Variants in OTOGL observed in about 807,000 individuals in gnomAD.
OTOGL encodes the protein otogelin-like protein.
OTOGL carries 285 observed loss-of-function variants against 318.5 expected under a neutral mutation model. The observed-to-expected ratio is 0.89, with a 90% CI of 0.81 to 0.99. The LOEUF (loss-of-function observed/expected upper bound fraction) is 0.99. Among genes scored for constraint, OTOGL ranks in the 50% least tolerant of loss-of-function variants. The probability of loss-of-function intolerance (pLI) is 0.00; values close to 1 mark genes in which losing one functional copy is unlikely to be tolerated. For synonymous variants in OTOGL, 987 were observed against 936.5 expected (o/e 1.05, Z -0.99); for missense variants, 2,899 against 2,845.6 (o/e 1.02, Z -0.43).
chr12:80,258,791 TGTTTGCCAGAGG>T lies in OTOGL; in HGVS notation c.1889+790_1889+801del, dbSNP rs1419684149. Among the ~76,000 whole-genome samples, 348 of 152,120 alleles carry T rather than the reference TGTTTGCCAGAGG, an allele frequency of 2.3e-3. 4 individuals carry two copies. The highest frequency in any genetic ancestry group is 8.0e-3 in the African/African-American group (333 of 41,512). On this transcript the variant is annotated intron_variant, in intron 18 of 58. Transcript: ENST00000547103. ...ACAGAAGCAAAGTATTATAGAATGGTGTTTGCCAGAGGATAAGGGTCGGGGTGGGAGTGTGGG... is the reference window on the plus strand; with the variant it reads ...ACAGAAGCAAAGTATTATAGAATGGTATAAGGGTCGGGGTGGGAGTGTGGG...
chr12:80,287,724 CT>C (rs888358681), intron 26 of OTOGL, among the ~76,000 whole-genome samples: 1 of 150,604 alleles, frequency 6.6e-6, no homozygotes, highest in African/African-American at 2.4e-5. Flanking sequence ...ACAACTTCTG[CT>C]TTTTTTTTGC....
chr12:80,167,147 T>C (rs1419972305), intron 1 of OTOGL, among the ~76,000 whole-genome samples: 2 of 152,190 alleles, frequency 1.3e-5, no homozygotes, highest in Non-Finnish European at 2.9e-5. Context: ...CCTGTTCTTC[T>C]AGCTCTAGTC....
intron 7 of OTOGL, among the ~76,000 whole-genome samples, chr12:80,227,342 T>C (rs1018875557): frequency 6.6e-6 from 1 of 152,226 alleles, no homozygotes; most frequent in Non-Finnish European, 1.5e-5. Context: ...AATTTTTCTC[T>C]CAGAAGATAT....
chr12:80,172,997 T>C (rs903978553), intron 1 of OTOGL, among the ~76,000 whole-genome samples: 4 of 152,130 alleles, frequency 2.6e-5, no homozygotes, highest in African/African-American at 7.2e-5. Flanking sequence ...GCTTAATACC[T>C]GAGTGATGGG....
At chr12:80,140,576 C>T (rs969912940) in intron 1 of OTOGL, among the ~76,000 whole-genome samples, 1 of 152,160 alleles carries the variant, frequency 6.6e-6, no homozygotes, top group Non-Finnish European at 1.5e-5. Context: ...GTCCCCATGG[C>T]TCTGCCATTA....
intron 1 of OTOGL, among the ~76,000 whole-genome samples, chr12:80,146,795 A>G (rs1374554975): frequency 2.5e-4 from 38 of 150,918 alleles, no homozygotes; most frequent in African/African-American, 8.2e-4. Flanking sequence ...GGGAGAGTGT[A>G]TGTGTCGAGG....
Position 80,320,451 on chromosome 12 carries a change from G to A in OTOGL, c.3832G>A (p.Glu1278Lys). The part of the protein sequence containing the change: ...SLALVSLESA[E>K]RPNYFLYVHD... Reference sequence around the variant, plus strand: ...AGCACTTGTTTCCTTGGAATCTGCTGAAAGGCCAAACTACTTTCTCTATGT... The same window carrying A: ...AGCACTTGTTTCCTTGGAATCTGCTAAAAGGCCAAACTACTTTCTCTATGT... The change falls in exon 34 of 59, where the codon GAA becomes AAA. Residue 1278 changes from glutamate (E) to lysine (K), a missense_variant. Physicochemically the swap from Glu to Lys is moderately conservative, Grantham distance 56. This residue lies in a region of OTOGL where 2,607 missense variants were observed against 2,524.9 expected (regional missense o/e 1.03). Coordinates refer to ENST00000547103, the MANE Select transcript of OTOGL (RefSeq NM_001378609.3). 1 of 1,613,200 alleles carries A rather than the reference G, an allele frequency of 6.2e-7. No individual in the cohort carries two copies. Among genetic ancestry groups the A allele is most frequent in the Non-Finnish European group, 8.5e-7 (1 of 1,179,444 alleles).
At chr12:80,253,624 C>A in intron 14 of OTOGL, 50 bp downstream of exon 14, 1 of 1,406,904 alleles carries the variant, frequency 7.1e-7, no homozygotes, top group Non-Finnish European at 1.0e-6. Context: ...GGCTAGTTGA[C>A]AACTTTACCA....
At chr12:80,310,176 A>G (rs1375731263) in intron 29 of OTOGL, among the ~76,000 whole-genome samples, 1 of 152,174 alleles carries the variant, frequency 6.6e-6, no homozygotes, top group African/African-American at 2.4e-5. Flanking sequence ...TTTTCAGGGC[A>G]GTTTCAGGGA....
At chr12:80,119,195 T>A (rs1870343868) in intron 1 of OTOGL, among the ~76,000 whole-genome samples, 1 of 152,216 alleles carries the variant, frequency 6.6e-6, no homozygotes, top group South Asian at 2.1e-4. Context: ...TGGGAGTGCA[T>A]CTTCCTAAGG....
chr12:80,365,937 G>C (rs893931707), intron 52 of OTOGL, among the ~76,000 whole-genome samples: 10 of 152,136 alleles, frequency 6.6e-5, no homozygotes, highest in Admixed American at 5.2e-4. Flanking sequence ...ATCTTTGTCA[G>C]TCCTGATAGG....
chr12:80,309,010 GAGA>G lies in OTOGL; in HGVS notation c.3334-1595_3334-1593del, dbSNP rs546718935. ...AGAGGGAGAGGGAGAGGGAGAGGGA[GAGA>G]AGAAGTAACTATTTCTAATGGTACT... On this transcript the variant is annotated intron_variant, in intron 29 of 58. Coordinates refer to ENST00000547103, the MANE Select transcript of OTOGL (RefSeq NM_001378609.3). 4.4e-3 allele frequency among the ~76,000 whole-genome samples: 613 copies of G among 139,000 alleles called. 1 individual carries two copies. Among genetic ancestry groups the G allele is most frequent in the African/African-American group, 0.014 (561 of 39,700 alleles). 91.2% of individuals were successfully genotyped at this position (139,000 alleles called of 152,430 possible). A position where few individuals can be genotyped will look rare whatever the true frequency, so the allele number is the denominator to read the frequency against.
chr12:80,373,842 T>C (rs1029746256), intron 57 of OTOGL, among the ~76,000 whole-genome samples: 2 of 152,182 alleles, frequency 1.3e-5, no homozygotes, highest in Non-Finnish European at 2.9e-5. Context: ...CCCGTCCTGC[T>C]TCTTAACTCT....
chr12:80,343,362 A>C (rs1422933019), intron 44 of OTOGL, among the ~76,000 whole-genome samples: 1 of 152,090 alleles, frequency 6.6e-6, no homozygotes, highest in Non-Finnish European at 1.5e-5. Flanking sequence ...ATTTGCATAT[A>C]ACCTACACAA....
At chr12:80,177,194 C>A (rs1446067927) in intron 1 of OTOGL, among the ~76,000 whole-genome samples, 2 of 152,046 alleles carry the variant, frequency 1.3e-5, no homozygotes, top group Non-Finnish European at 2.9e-5. Context: ...TTTAAGAAAT[C>A]TTTGCAAAAA....
chr12:80,310,146 GAAGAGGTCATGGA>G (rs1886533856), intron 29 of OTOGL, among the ~76,000 whole-genome samples: 1 of 152,138 alleles, frequency 6.6e-6, no homozygotes, highest in Non-Finnish European at 1.5e-5. Context: ...ATTTAACAAT[GAAGAGGTCATGGA>G]TGACATTTTT....
At chr12:80,172,836 C>CA (rs983805763) in intron 1 of OTOGL, among the ~76,000 whole-genome samples, 1 of 152,004 alleles carries the variant, frequency 6.6e-6, no homozygotes, top group African/African-American at 2.4e-5. Flanking sequence ...AACACAGGAA[C>CA]AAAAAACCAA....
intron 27 of OTOGL, among the ~76,000 whole-genome samples, chr12:80,301,393 A>G (rs1315188950): frequency 6.6e-6 from 1 of 152,168 alleles, no homozygotes; most frequent in African/African-American, 2.4e-5. Context: ...CTATACAACC[A>G]TGGTCTAATA....
chr12:80,307,652 C>G (rs1261314181), intron 29 of OTOGL, among the ~76,000 whole-genome samples: 2 of 144,560 alleles, frequency 1.4e-5, no homozygotes, highest in Non-Finnish European at 3.0e-5. Context: ...GACGGCTGGC[C>G]GGGCAGAGTG....
Sources: gnomAD v4.1 joint callset for allele counts (sites outside exome capture counted in the v4.1 genomes callset) on GRCh38, gnomAD v4.1.1 for gene constraint, gnomAD v4.1.1 regional missense constraint, MANE v1.5 for transcripts, NCBI Gene and HGNC (gene_info 2026-07-23, HGNC 2026-07-21) for gene names.